The following CYTH3 variants were observed in gnomAD, a reference collection of about 807,000 sequenced individuals.
CYTH3 encodes the protein cytohesin-3.
CYTH3 carries 23 observed loss-of-function variants against 55.1 expected under a neutral mutation model. That is an observed-to-expected ratio of 0.42 (90% CI 0.30 to 0.59). The LOEUF (loss-of-function observed/expected upper bound fraction) is 0.59, where lower values mean the gene tolerates loss of function less well. Among genes scored for constraint, CYTH3 ranks in the 20% least tolerant of loss-of-function variants. The pLI is 0.20. For missense variants in CYTH3, 413 were observed against 524.8 expected (o/e 0.79, Z 2.08); for synonymous variants, 249 against 194.9 (o/e 1.28, Z -2.31).
chr7:6,214,640 G>C (rs1050052696), intron 1 of CYTH3, among the ~76,000 whole-genome samples: 5 of 152,188 alleles, frequency 3.3e-5, no homozygotes, highest in African/African-American at 1.2e-4. Context: ...AAAACAAACT[G>C]AGCATACTCT....
At position 6,173,630 on chromosome 7, in the gene CYTH3, AC is replaced by A. The variant is rs1166663075; in HGVS notation, c.449+22del. ...CTCTGGCCTTCCCCATCCACTCTACACCCAGCAAATGATCATACTTACCTTA... is the reference window on the plus strand; with the variant it reads ...CTCTGGCCTTCCCCATCCACTCTACACCAGCAAATGATCATACTTACCTTA... On this transcript the variant is annotated intron_variant, in intron 6 of 12. Coordinates refer to ENST00000350796, the MANE Select transcript of CYTH3 (RefSeq NM_004227.4). 9.1e-6 allele frequency: 14 copies of A among 1,545,990 alleles called. No homozygotes were observed. The South Asian group carries it at 1.4e-4, about 16-fold the overall frequency.
chr7:6,219,003 C>CAAAAAA, intron 1 of CYTH3, among the ~76,000 whole-genome samples: 1 of 74,296 alleles, frequency 1.3e-5, no homozygotes, highest in Non-Finnish European at 2.6e-5. Context: ...GACTCCGTCT[C>CAAAAAA]AAAAAAAAAA....
chr7:6,192,865 C>T (rs1237194185), intron 1 of CYTH3, among the ~76,000 whole-genome samples: 1 of 151,862 alleles, frequency 6.6e-6, no homozygotes, highest in Non-Finnish European at 1.5e-5. Flanking sequence ...ATAACAACTC[C>T]GTGCTTAGAA....
intron 1 of CYTH3, among the ~76,000 whole-genome samples, chr7:6,220,389 A>T (rs1422941585): frequency 6.6e-6 from 1 of 152,166 alleles, no homozygotes; most frequent in Non-Finnish European, 1.5e-5. Flanking sequence ...CTTTAAAAGA[A>T]AACATGAGAA....
intron 1 of CYTH3, among the ~76,000 whole-genome samples, chr7:6,223,310 G>A (rs1436441231): frequency 6.6e-6 from 1 of 152,204 alleles, no homozygotes; most frequent in Admixed American, 6.5e-5. Context: ...CGCCCCGTCT[G>A]GGAAGTGTAC....
chr7:6,185,134 C>T (rs1303624850), intron 4 of CYTH3, among the ~76,000 whole-genome samples: 1 of 152,188 alleles, frequency 6.6e-6, no homozygotes, highest in Non-Finnish European at 1.5e-5. Flanking sequence ...CAAATCATTT[C>T]CAAATTCACA....
chr7:6,216,095 A>C (rs1193795371), intron 1 of CYTH3, among the ~76,000 whole-genome samples: 2 of 152,240 alleles, frequency 1.3e-5, no homozygotes, highest in African/African-American at 4.8e-5. Context: ...ATCTTGAAAT[A>C]TTAGAAAACA....
At chr7:6,254,387 G>A (rs889984315) in intron 1 of CYTH3, among the ~76,000 whole-genome samples, 1 of 152,240 alleles carries the variant, frequency 6.6e-6, no homozygotes, top group Non-Finnish European at 1.5e-5. Flanking sequence ...GATAACGGCT[G>A]TAGTTATGTA....
Position 6,171,117 on chromosome 7 carries a change from C to G in CYTH3, c.562+85G>C, listed in dbSNP as rs1197435179. On this transcript the variant is annotated intron_variant, in intron 7 of 12. Coordinates refer to ENST00000350796, the MANE Select transcript of CYTH3 (RefSeq NM_004227.4). This position sits in a 1 kb window ranked among gnomAD's most constrained non-coding sequence, Gnocchi z 6.7. The stretch of plus-strand genomic sequence containing the variant: ...GGGAAGGCAGGTCCCCAGGAACACA[C>G]GCTGGGCTGTGCCCACAGGGGCCGC... The G allele has an allele frequency of 4.1e-5, 65 of 1,584,672 alleles. No homozygotes were observed. Among genetic ancestry groups the G allele is most frequent in the Middle Eastern group, 3.4e-4 (2 of 5,944 alleles).
rs548194918 is a variant in CYTH3 at position 6,254,632 on chromosome 7, T to C, written c.34+17842A>G. ...CTCGGCTAATTTTTTGTATTTTTAG[T>C]AGAGACAGGCTTTCACCATGTTGGC... is the stretch of plus-strand genomic sequence containing the variant. On this transcript the variant is annotated intron_variant, in intron 1 of 12. Coordinates refer to ENST00000350796, the MANE Select transcript of CYTH3 (RefSeq NM_004227.4). Among the ~76,000 whole-genome samples, 3 of 152,328 alleles carry C rather than the reference T, an allele frequency of 2.0e-5. No individual in the cohort carries two copies. The East Asian group carries it at 5.8e-4, about 29-fold the overall frequency.
rs537003285 is a variant in CYTH3 at position 6,267,757 on chromosome 7, C to G, written c.34+4717G>C. Among the ~76,000 whole-genome samples the G allele has an allele frequency of 5.9e-5, 9 of 152,298 alleles. No individual in the cohort carries two copies. The South Asian group carries it at 1.9e-3, about 32-fold the overall frequency. ...CAGACTGGTCTCGAACTCCTGACCTCATGATCTACCCGCCTTGGCCTCCCA... is the reference window on the plus strand; with the variant it reads ...CAGACTGGTCTCGAACTCCTGACCTGATGATCTACCCGCCTTGGCCTCCCA... On this transcript the variant is annotated intron_variant, in intron 1 of 12. Transcript: ENST00000350796.
At chr7:6,231,840 G>C (rs146047911) in intron 1 of CYTH3, among the ~76,000 whole-genome samples, 304 of 152,228 alleles carry the variant, frequency 2.0e-3, no homozygotes, top group African/African-American at 6.7e-3. Flanking sequence ...TCAAATAATG[G>C]TTTAAAGGCA....
At chr7:6,269,067 T>G (rs1296608769) in intron 1 of CYTH3, among the ~76,000 whole-genome samples, 1 of 152,144 alleles carries the variant, frequency 6.6e-6, no homozygotes, top group East Asian at 1.9e-4. Context: ...AACCTGTTTT[T>G]GTCCTTCTTC....
At chr7:6,168,497 C>T (rs543599267) in intron 9 of CYTH3, among the ~76,000 whole-genome samples, 18 of 152,254 alleles carry the variant, frequency 1.2e-4, no homozygotes, top group Non-Finnish European at 1.9e-4. Context: ...CCTTTGGTCT[C>T]GAACTTTGTT....
intron 12 of CYTH3, 121 bp downstream of exon 12, chr7:6,165,152 G>A (rs1225863371): frequency 6.4e-7 from 1 of 1,553,938 alleles, no homozygotes; most frequent in Non-Finnish European, 8.7e-7. Context: ...CCGGCCCTCT[G>A]GGGTTTCTGG....
chr7:6,169,492 T>C lies in CYTH3; in HGVS notation c.823+1043A>G, dbSNP rs1783108600. 6.6e-6 allele frequency among the ~76,000 whole-genome samples: 1 copy of C among 152,150 alleles called. No individual in the cohort carries two copies. The highest frequency in any genetic ancestry group is 1.5e-5 in the Non-Finnish European group (1 of 68,040). Reference sequence around the variant, plus strand: ...TCCCAAAGCACTAGGATTACACACATGAGCCACTGCACCCGGCTGATAAAA... The same window carrying C: ...TCCCAAAGCACTAGGATTACACACACGAGCCACTGCACCCGGCTGATAAAA... On this transcript the variant is annotated intron_variant, in intron 9 of 12. Transcript: ENST00000350796. The surrounding 1 kb of genome is among the most constrained non-coding windows in gnomAD (Gnocchi z 4.1).
chr7:6,204,337 C>CAAG (rs886236539), intron 1 of CYTH3, among the ~76,000 whole-genome samples: 3 of 152,164 alleles, frequency 2.0e-5, no homozygotes, highest in African/African-American at 7.2e-5. Context: ...GAGGTGCCTT[C>CAAG]AAGTAAAGCA....
intron 1 of CYTH3, among the ~76,000 whole-genome samples, chr7:6,258,975 G>A (rs1183540692): frequency 2.0e-5 from 3 of 152,130 alleles, no homozygotes; most frequent in Non-Finnish European, 4.4e-5. Flanking sequence ...TTACTTCATA[G>A]CAACCAAATA....
At chr7:6,251,797 A>T (rs1414060815) in intron 1 of CYTH3, among the ~76,000 whole-genome samples, 2 of 152,134 alleles carry the variant, frequency 1.3e-5, no homozygotes, top group Non-Finnish European at 2.9e-5. Context: ...ACAAAGAATA[A>T]CTCAGATGGT....
Sources: gnomAD v4.1 joint callset for allele counts (sites outside exome capture counted in the v4.1 genomes callset) on GRCh38, gnomAD v4.1.1 for gene constraint, Gnocchi (gnomAD v3.1) non-coding constraint, MANE v1.5 for transcripts, NCBI Gene and HGNC (gene_info 2026-07-23, HGNC 2026-07-21) for gene names.